Variants in FBP2 observed in about 807,000 individuals in gnomAD.
FBP2 encodes the protein fructose-1,6-bisphosphatase isozyme 2.
Under a neutral mutation model 31.6 loss-of-function variants are expected in FBP2, and 27 were observed. The observed-to-expected ratio is 0.85, with a 90% CI of 0.63 to 1.18. The LOEUF (loss-of-function observed/expected upper bound fraction) is 1.18, where lower values mean the gene tolerates loss of function less well. Among genes scored for constraint, FBP2 ranks in the 50% most tolerant of loss-of-function variants. The probability of loss-of-function intolerance (pLI) is 0.00; values close to 1 mark genes in which losing one functional copy is unlikely to be tolerated. For missense variants in FBP2, 421 were observed against 436.1 expected (o/e 0.97, Z 0.31); for synonymous variants, 168 against 179.8 (o/e 0.93, Z 0.53).
At chr9:94,570,602 A>G (rs1827258463) in intron 4 of FBP2, 1 of 152,234 alleles carries the variant, frequency 6.6e-6, no homozygotes, top group Admixed American at 6.5e-5. Flanking sequence ...TTTGCAAGCC[A>G]TAGAATTTCT....
At chr9:94,560,210 T>C (rs1409812431) in intron 6 of FBP2, among the ~76,000 whole-genome samples, 1 of 152,202 alleles carries the variant, frequency 6.6e-6, no homozygotes, top group Non-Finnish European at 1.5e-5. Context: ...GAAATCAGCC[T>C]GTGCCCTGCT....
Position 94,587,407 on chromosome 9 carries a change from G to A in FBP2, c.233C>T (p.Ser78Phe), listed in dbSNP as rs1446203542. 6.2e-7 allele frequency: 1 copy of A among 1,614,038 alleles called. No individual in the cohort carries two copies. The highest frequency in any genetic ancestry group is 1.1e-5 in the South Asian group (1 of 91,076). Reference protein sequence around the residue: ...GDEVKKLDVLSNSLVINMVQS... With the variant: ...GDEVKKLDVLFNSLVINMVQS... ...GACCATGTTGATCACCAGGGAATTG[G>A]ATAGCACATCCAGTTTCTTCACCTC... Residue 78 changes from serine (S) to phenylalanine (F), a missense_variant, in exon 2 of 7, where the codon TCC becomes TTC. Physicochemically the swap from Ser to Phe is radical, Grantham distance 155. Transcript: ENST00000375337.
At chr9:94,587,224 G>T (rs1827436711) in intron 2 of FBP2, 83 bp downstream of exon 2, 2 of 1,202,760 alleles carry the variant, frequency 1.7e-6, no homozygotes, top group Non-Finnish European at 2.3e-6. Context: ...AGAATCCCGG[G>T]AATTAAAGAA....
intron 5 of FBP2, among the ~76,000 whole-genome samples, chr9:94,565,476 G>T (rs112372776): frequency 1.3e-5 from 2 of 151,334 alleles, no homozygotes; most frequent in Non-Finnish European, 2.9e-5. Flanking sequence ...TTTATGTGAT[G>T]TGTTACACAG....
chr9:94,587,162 AGAGAAG>A, intron 2 of FBP2, 139 bp downstream of exon 2: 1 of 670,116 alleles, frequency 1.5e-6, no homozygotes, highest in Non-Finnish European at 2.4e-6. Flanking sequence ...ATTTCCAAGT[AGAGAAG>A]TATGTAATCC....
At chr9:94,565,770 T>TGATA (rs34303194) in intron 5 of FBP2, among the ~76,000 whole-genome samples, 67 of 148,152 alleles carry the variant, frequency 4.5e-4, no homozygotes, top group East Asian at 4.4e-3. Flanking sequence ...GATACATAGA[T>TGATA]GATAGATAGA....
intron 5 of FBP2, among the ~76,000 whole-genome samples, chr9:94,565,783 GA>G (rs1564180701): frequency 3.0e-5 from 4 of 135,232 alleles, no homozygotes; most frequent in Non-Finnish European, 4.7e-5. Context: ...TAGATAGATA[GA>G]TAGATGATAG....
chr9:94,564,457 C>T (rs184068242), intron 5 of FBP2, among the ~76,000 whole-genome samples: 6 of 152,266 alleles, frequency 3.9e-5, no homozygotes, highest in Non-Finnish European at 7.3e-5. Context: ...GCTACATATA[C>T]ACAATGGAAT....
At position 94,567,377 on chromosome 9, in the gene FBP2, CT is replaced by C; in HGVS notation, c.597del (p.Asp200MetfsTer13). 1 of 1,614,120 alleles carries C rather than the reference CT, an allele frequency of 6.2e-7. No homozygotes were observed. The highest frequency in any genetic ancestry group is 8.5e-7 in the Non-Finnish European group (1 of 1,180,008). ...PALGEFVLVE[K>X]DVKIKKKGKI... Reference sequence around the variant, plus strand: ...TTTCCTTTCTTCTTAATCTTGACATCTTTTTCCACCAGGACAAATTCACCAA... The same window carrying C: ...TTTCCTTTCTTCTTAATCTTGACATCTTTTCCACCAGGACAAATTCACCAA... On this transcript the variant is annotated frameshift_variant, in exon 5 of 7. Transcript: ENST00000375337. LOFTEE classifies it high-confidence loss of function.
chr9:94,560,111 C>A (rs1018428802), intron 6 of FBP2, among the ~76,000 whole-genome samples: 1 of 152,144 alleles, frequency 6.6e-6, no homozygotes, highest in African/African-American at 2.4e-5. Flanking sequence ...GGTGACAGAG[C>A]AAGAGCCTGT....
At chr9:94,579,604 T>C (rs1188991381) in intron 3 of FBP2, among the ~76,000 whole-genome samples, 1 of 152,184 alleles carries the variant, frequency 6.6e-6, no homozygotes, top group Non-Finnish European at 1.5e-5. Flanking sequence ...GGATTCTTTA[T>C]AATAGCCCCC....
At chr9:94,560,804 T>C (rs911859818) in intron 6 of FBP2, among the ~76,000 whole-genome samples, 1 of 149,940 alleles carries the variant, frequency 6.7e-6, no homozygotes, top group African/African-American at 2.4e-5. Flanking sequence ...TTATATATAT[T>C]AAGGAGAGGA....
intron 3 of FBP2, among the ~76,000 whole-genome samples, chr9:94,574,213 G>A (rs1355784469): frequency 6.6e-6 from 1 of 151,990 alleles, no homozygotes; most frequent in African/African-American, 2.4e-5. Context: ...TTAAATAATT[G>A]GGTAAAAATC....
chr9:94,576,770 G>A (rs959264207), intron 3 of FBP2: 1 of 152,224 alleles, frequency 6.6e-6, no homozygotes, highest in Non-Finnish European at 1.5e-5. Context: ...CTTTTGGGAT[G>A]TCACTGGGAC....
At chr9:94,586,396 A>C (rs1187810199) in intron 2 of FBP2, among the ~76,000 whole-genome samples, 1 of 152,168 alleles carries the variant, frequency 6.6e-6, no homozygotes, top group African/African-American at 2.4e-5. Flanking sequence ...AAAATAAATA[A>C]ATAAGTAAAT....
At position 94,584,655 on chromosome 9, in the gene FBP2, G is replaced by C. The variant is rs769794896; in HGVS notation, c.348C>G (p.Val116=). 1.2e-5 allele frequency: 19 copies of C among 1,611,546 alleles called. No individual in the cohort carries two copies. Among genetic ancestry groups the C allele is most frequent in the Admixed American group, 3.3e-5 (2 of 59,990 alleles). ...TAKEKRGKYV[V]CFDPLDGSSN... is the part of the protein sequence containing the mutation. Reference sequence around the variant, plus strand: ...AAGATCCATCCAGTGGGTCAAAGCAGACCACGTATTTCCCCTAAATCAGAG... The same window carrying C: ...AAGATCCATCCAGTGGGTCAAAGCACACCACGTATTTCCCCTAAATCAGAG... The change falls in exon 3 of 7, where the codon GTC becomes GTG. Residue 116 remains valine (V), a synonymous_variant. Transcript: ENST00000375337.
chr9:94,587,238 T>C (rs2280302), intron 2 of FBP2, 69 bp downstream of exon 2: 70,857 of 1,377,372 alleles, frequency 0.051, 3,513 homozygotes, highest in African/African-American at 0.23. Flanking sequence ...TAAAGAAAAG[T>C]AAGGCAGCTT....
At chr9:94,572,102 C>T (rs541211902) in intron 3 of FBP2, among the ~76,000 whole-genome samples, 1 of 152,226 alleles carries the variant, frequency 6.6e-6, no homozygotes, top group East Asian at 1.9e-4. Context: ...AGCAGGAAGC[C>T]CTGATTCTGC....
chr9:94,560,060 G>C lies in FBP2; in HGVS notation c.826-928C>G, dbSNP rs1020079323. Among the ~76,000 whole-genome samples the C allele has an allele frequency of 1.6e-4, 24 of 152,228 alleles. 1 individual carries two copies. The highest frequency in any genetic ancestry group is 4.6e-4 in the African/African-American group (19 of 41,466). ...GGATCAACTGAGCCCCGGAGTTCAA[G>C]GCTGCGGTGAGCTGTGATCATGCTA... On this transcript the variant is annotated intron_variant, in intron 6 of 6. Coordinates refer to ENST00000375337, the MANE Select transcript of FBP2 (RefSeq NM_003837.4).
Sources: allele counts gnomAD v4.1 joint callset (sites outside exome capture counted in the v4.1 genomes callset), GRCh38; gene constraint gnomAD v4.1.1; transcripts MANE v1.5; gene names NCBI Gene and HGNC (gene_info 2026-07-23, HGNC 2026-07-21).